TMPRSS15: variants seen among roughly 807,000 people sequenced by gnomAD.
The protein encoded by TMPRSS15 is enteropeptidase.
TMPRSS15 carries 128 observed loss-of-function variants against 125.3 expected under a neutral mutation model. The observed-to-expected ratio is 1.02, with a 90% CI of 0.89 to 1.18. The LOEUF (loss-of-function observed/expected upper bound fraction) is 1.18. TMPRSS15 is among the 50% of genes most tolerant of loss of function. The probability of loss-of-function intolerance (pLI) is 0.00; values close to 1 mark genes in which losing one functional copy is unlikely to be tolerated. For synonymous variants in TMPRSS15, 446 were observed against 423.2 expected (o/e 1.05, Z -0.66); for missense variants, 1,283 against 1,212.7 (o/e 1.06, Z -0.86).
chr21:18,451,925 T>C (rs890904436), intron 1 of TMPRSS15, among the ~76,000 whole-genome samples: 1 of 152,116 alleles, frequency 6.6e-6, no homozygotes, highest in Non-Finnish European at 1.5e-5. Context: ...ATGCATAATT[T>C]TATGTATGCA....
At chr21:18,475,811 G>A (rs1978870233) in intron 1 of TMPRSS15, among the ~76,000 whole-genome samples, 1 of 152,190 alleles carries the variant, frequency 6.6e-6, no homozygotes, top group Non-Finnish European at 1.5e-5. Context: ...AAACAAGGGA[G>A]CAATTACTTT....
chr21:18,348,971 A>C (rs1316575374), intron 10 of TMPRSS15, among the ~76,000 whole-genome samples: 1 of 152,124 alleles, frequency 6.6e-6, no homozygotes, highest in African/African-American at 2.4e-5. Context: ...CTCACTTTCC[A>C]GATAAGGGAA....
intron 18 of TMPRSS15, among the ~76,000 whole-genome samples, chr21:18,306,774 AC>A (rs1262502479): frequency 6.6e-6 from 1 of 152,134 alleles, no homozygotes; most frequent in African/African-American, 2.4e-5. Context: ...CATTAAAAAA[AC>A]ACTACCCTAA....
intron 3 of TMPRSS15, among the ~76,000 whole-genome samples, chr21:18,397,181 T>TTG (rs1303309440): frequency 6.6e-6 from 1 of 152,138 alleles, no homozygotes; most frequent in Non-Finnish European, 1.5e-5. Context: ...CAAAAGCCCT[T>TTG]TGGTAGTTTG....
Position 18,278,947 on chromosome 21 carries a change from TGAGTCTG to T in TMPRSS15, c.2764+10_2764+16del. Reference sequence around the variant, plus strand: ...AGGTTTTTTTTTTTTTTTTTTTTTTTGAGTCTGATAATTTACCTTGATATACAACCGT... The same window carrying T: ...AGGTTTTTTTTTTTTTTTTTTTTTTTATAATTTACCTTGATATACAACCGT... On this transcript the variant is annotated intron_variant, in intron 23 of 24. Transcript: ENST00000284885. 1.1e-6 allele frequency: 1 copy of T among 884,076 alleles called. No individual in the cohort carries two copies. Among genetic ancestry groups the T allele is most frequent in the Non-Finnish European group, 1.7e-6 (1 of 580,764 alleles). 54.8% of individuals were successfully genotyped at this position (884,076 alleles called of 1,614,324 possible). A position where few individuals can be genotyped will look rare whatever the true frequency, so the allele number is the denominator to read the frequency against.
At chr21:18,421,572 A>G (rs2255954) in intron 1 of TMPRSS15, among the ~76,000 whole-genome samples, 29,532 of 152,108 alleles carry the variant, frequency 0.19, 3,704 homozygotes, top group East Asian at 0.49. Context: ...GTTTTAATTT[A>G]GGAATGCCAA....
chr21:18,413,278 C>CTTTCTT (rs1569064006), intron 1 of TMPRSS15, among the ~76,000 whole-genome samples: 21 of 106,250 alleles, frequency 2.0e-4, no homozygotes, highest in African/African-American at 7.5e-4. Context: ...CTTTCTTTTT[C>CTTTCTT]TTTTTCTTTC....
At chr21:18,398,954 A>G (rs1429415722) in intron 1 of TMPRSS15, among the ~76,000 whole-genome samples, 2 of 152,078 alleles carry the variant, frequency 1.3e-5, no homozygotes. Flanking sequence ...TAACCTCACT[A>G]GGAAAAAAAA....
chr21:18,472,480 T>TATATATATATATAC (rs1491127013), intron 1 of TMPRSS15, among the ~76,000 whole-genome samples: 128 of 112,310 alleles, frequency 1.1e-3, no homozygotes, highest in African/African-American at 3.6e-3. Flanking sequence ...TATATATATA[T>TATATATATATATAC]ACACACACAC....
chr21:18,476,508 A>C (rs1306369697), intron 1 of TMPRSS15, among the ~76,000 whole-genome samples: 1 of 152,200 alleles, frequency 6.6e-6, no homozygotes, highest in African/African-American at 2.4e-5. Flanking sequence ...AAAATACATG[A>C]AAACATTTTT....
At chr21:18,332,024 G>A in intron 14 of TMPRSS15, 60 bp downstream of exon 14, 6 of 1,429,308 alleles carry the variant, frequency 4.2e-6, no homozygotes, top group Non-Finnish European at 5.9e-6. Context: ...CTGCGTCAAG[G>A]GGAGATCTAC....
chr21:18,280,583 A>AAAAAAAAC, intron 22 of TMPRSS15, among the ~76,000 whole-genome samples: 1 of 141,446 alleles, frequency 7.1e-6, no homozygotes, highest in African/African-American at 3.1e-5. Flanking sequence ...CTCAAAAAAA[A>AAAAAAAAC]AAAAAAAAAA....
intron 4 of TMPRSS15, 150 bp downstream of exon 4, chr21:18,383,477 G>T: frequency 1.1e-6 from 1 of 890,494 alleles, no homozygotes; most frequent in Non-Finnish European, 1.7e-6. Flanking sequence ...GGTTTCTTCA[G>T]ATTTCACTTT....
At chr21:18,442,922 A>G (rs2076245758) in intron 1 of TMPRSS15, among the ~76,000 whole-genome samples, 1 of 152,236 alleles carries the variant, frequency 6.6e-6, no homozygotes, top group Non-Finnish European at 1.5e-5. Flanking sequence ...AGAGTTAATC[A>G]CCAAAGGTAT....
chr21:18,293,152 T>C (rs1182930512), intron 21 of TMPRSS15, among the ~76,000 whole-genome samples: 1 of 152,178 alleles, frequency 6.6e-6, no homozygotes, highest in Admixed American at 6.5e-5. Context: ...AGTGCAATCT[T>C]TTAATGTTCA....
At chr21:18,314,739 A>T (rs2146939881) in intron 17 of TMPRSS15, among the ~76,000 whole-genome samples, 1 of 152,180 alleles carries the variant, frequency 6.6e-6, no homozygotes, top group African/African-American at 2.4e-5. Context: ...TGGAATGAAA[A>T]CTCAGCAGGG....
intron 18 of TMPRSS15, among the ~76,000 whole-genome samples, chr21:18,308,380 C>CACAG (rs909079697): frequency 1.6e-4 from 24 of 150,648 alleles, no homozygotes; most frequent in East Asian, 1.6e-3. Flanking sequence ...AAGAATTACA[C>CACAG]ACACACACAC....
intron 14 of TMPRSS15, among the ~76,000 whole-genome samples, chr21:18,330,160 C>T (rs1472990237): frequency 6.6e-6 from 1 of 152,078 alleles, no homozygotes; most frequent in Admixed American, 6.6e-5. Context: ...TTTCTCCTAC[C>T]ACATCCGATC....
At chr21:18,347,088 C>G (rs771393739) in intron 10 of TMPRSS15, among the ~76,000 whole-genome samples, 2 of 151,832 alleles carry the variant, frequency 1.3e-5, no homozygotes, top group Non-Finnish European at 2.9e-5. Context: ...CCAATTGTAC[C>G]TTGTTAAAAT....
Sources: gnomAD v4.1 joint callset for allele counts (sites outside exome capture counted in the v4.1 genomes callset) on GRCh38, gnomAD v4.1.1 for gene constraint, MANE v1.5 for transcripts, NCBI Gene and HGNC (gene_info 2026-07-23, HGNC 2026-07-21) for gene names.